XPO4: variants seen among roughly 807,000 people sequenced by gnomAD.
The protein encoded by XPO4 is exportin 4, also known as exportin-4.
XPO4 carries 39 observed loss-of-function variants against 143.0 expected under a neutral mutation model. The ratio of observed to expected loss-of-function variants is 0.27; its 90% CI spans 0.21 to 0.36. The LOEUF (loss-of-function observed/expected upper bound fraction) is 0.36. Ranked by LOEUF, XPO4 falls within the 10% of genes least tolerant of loss-of-function variation. XPO4 has a pLI of 1.00. For synonymous variants in XPO4, 439 were observed against 474.0 expected, an observed-to-expected ratio of 0.93 and a Z score of 0.96; for missense variants, 907 against 1,348.0, an observed-to-expected ratio of 0.67 and a Z score of 5.12.
chr13:20,897,135 C>G (rs186327506), intron 1 of XPO4, among the ~76,000 whole-genome samples: 4 of 151,960 alleles, frequency 2.6e-5, no homozygotes, highest in Non-Finnish European at 5.9e-5. Context: ...CAAGACAGGG[C>G]TGAAATAAAC....
In XPO4 at chr13:20,777,814, T is replaced by A. The variant is rs2059102347; in HGVS notation, c.*5908A>T. On this transcript the variant is annotated 3_prime_UTR_variant, in exon 23 of 23. Transcript: ENST00000255305. ...TCACTCTCATGCTATATATTAAAAA[T>A]AATTTACAGGGACACTCAGTAGGAG... is the stretch of plus-strand genomic sequence containing the variant. 1 of 152,186 alleles carries A rather than the reference T, an allele frequency of 6.6e-6. No individual in the cohort carries two copies. The highest frequency in any genetic ancestry group is 2.4e-5 in the African/African-American group (1 of 41,426). The allele number at this position is 152,186 out of a possible 1,614,324, so 9.4% of individuals were successfully genotyped here.
At chr13:20,813,957 CAA>C (rs557631755) in intron 9 of XPO4, among the ~76,000 whole-genome samples, 38 of 89,728 alleles carry the variant, frequency 4.2e-4, no homozygotes, top group Admixed American at 6.1e-4. Context: ...GACGCTGTCT[CAA>C]AAAAAAAAAA....
At chr13:20,828,828 G>A (rs534654209) in intron 6 of XPO4, among the ~76,000 whole-genome samples, 1 of 152,294 alleles carries the variant, frequency 6.6e-6, no homozygotes, top group Admixed American at 6.5e-5. Flanking sequence ...ACAATATAGA[G>A]TGAGTTCATT....
At chr13:20,788,852 G>A (rs911045867) in intron 19 of XPO4, among the ~76,000 whole-genome samples, 1 of 152,174 alleles carries the variant, frequency 6.6e-6, no homozygotes, top group Non-Finnish European at 1.5e-5. Flanking sequence ...TTATCTTCTA[G>A]ATAGTTAATA....
chr13:20,846,698 A>T (rs2060032798), intron 4 of XPO4, among the ~76,000 whole-genome samples: 1 of 152,162 alleles, frequency 6.6e-6, no homozygotes, highest in Non-Finnish European at 1.5e-5. Flanking sequence ...AACGAAAATA[A>T]AATTGTCTAC....
At chr13:20,858,628 T>C (rs868827861) in intron 3 of XPO4, among the ~76,000 whole-genome samples, 1 of 151,948 alleles carries the variant, frequency 6.6e-6, no homozygotes, top group African/African-American at 2.4e-5. Flanking sequence ...TCTTAGCACT[T>C]AGGGAGGTCA....
At chr13:20,851,150 A>G (rs1221784893) in intron 4 of XPO4, 1 of 985,304 alleles carries the variant, frequency 1.0e-6, no homozygotes, top group East Asian at 1.1e-4. Flanking sequence ...CAAATTCTTA[A>G]CAGTCCAAGA....
chr13:20,892,392 T>G (rs2060526625), intron 1 of XPO4, among the ~76,000 whole-genome samples: 1 of 150,212 alleles, frequency 6.7e-6, no homozygotes, highest in Non-Finnish European at 1.5e-5. Flanking sequence ...CCAGCCAAAT[T>G]TTATACTGTG....
rs149714070 is a variant in XPO4 at position 20,830,505 on chromosome 13, C to T, written c.728-3326G>A. ...CCTGGTTATACCACTAATAATACCA[C>T]TATTATATACCATAATAAAAATGCA... On this transcript the variant is annotated intron_variant, in intron 6 of 22. Coordinates refer to ENST00000255305, the MANE Select transcript of XPO4 (RefSeq NM_022459.5). 5.9e-5 allele frequency among the ~76,000 whole-genome samples: 9 copies of T among 152,200 alleles called. No homozygotes were observed. In the East Asian group the frequency reaches 1.7e-3, roughly 29 times the overall value.
At chr13:20,848,905 T>C in intron 4 of XPO4, 2 of 985,420 alleles carry the variant, frequency 2.0e-6, no homozygotes, top group South Asian at 9.4e-5. Flanking sequence ...TTCATTGAAG[T>C]ACTGAAAATT....
At position 20,821,801 on chromosome 13, in the gene XPO4, A is replaced by C; in HGVS notation, c.1076T>G (p.Val359Gly). ...SNLITVFPRN[V>G]LTAIPSELFS... ...AAGTTCACTTGGAATGGCAGTTAAAACATTTCGTGGGAACACGGTTATCAG... is the reference window on the plus strand; with the variant it reads ...AAGTTCACTTGGAATGGCAGTTAAACCATTTCGTGGGAACACGGTTATCAG... The change falls in exon 9 of 23, where the codon GTT becomes GGT. Residue 359 changes from valine to glycine, a missense_variant. Coordinates refer to ENST00000255305, the MANE Select transcript of XPO4 (RefSeq NM_022459.5). 6.2e-7 allele frequency: 1 copy of C among 1,614,138 alleles called. No homozygotes were observed.
At chr13:20,784,006 A>G in intron 22 of XPO4, 87 bp from the exon 23 acceptor site, 1 of 1,306,368 alleles carries the variant, frequency 7.7e-7, no homozygotes, top group Non-Finnish European at 1.1e-6. Flanking sequence ...TGGGGTTCTA[A>G]AAGGCAGGGA....
At chr13:20,865,811 G>T (rs549923217) in intron 2 of XPO4, among the ~76,000 whole-genome samples, 1 of 152,156 alleles carries the variant, frequency 6.6e-6, no homozygotes, top group Non-Finnish European at 1.5e-5. Context: ...CTTTGACTCA[G>T]TGATACCTAT....
chr13:20,895,421 C>G (rs2060558573), intron 1 of XPO4, among the ~76,000 whole-genome samples: 1 of 152,014 alleles, frequency 6.6e-6, no homozygotes, highest in African/African-American at 2.4e-5. Context: ...CACCTGTGAT[C>G]AGAAGTTCAA....
chr13:20,863,888 C>T (rs1330641073), intron 2 of XPO4, among the ~76,000 whole-genome samples: 1 of 152,148 alleles, frequency 6.6e-6, no homozygotes, highest in South Asian at 2.1e-4. Flanking sequence ...ACACCATTTT[C>T]TCTCCTATTC....
intron 16 of XPO4, among the ~76,000 whole-genome samples, chr13:20,798,073 G>A (rs1345789056): frequency 2.0e-5 from 3 of 152,072 alleles, no homozygotes; most frequent in Admixed American, 6.6e-5. Flanking sequence ...GACCCAGGAG[G>A]TGGAGGTTGC....
At chr13:20,863,417 A>C (rs1030002762) in intron 2 of XPO4, among the ~76,000 whole-genome samples, 1 of 152,200 alleles carries the variant, frequency 6.6e-6, no homozygotes, top group Non-Finnish European at 1.5e-5. Context: ...CATTTACACA[A>C]GGTGAGAAGT....
chr13:20,823,946 C>A (rs909522612), intron 7 of XPO4, among the ~76,000 whole-genome samples: 1 of 152,224 alleles, frequency 6.6e-6, no homozygotes, highest in Non-Finnish European at 1.5e-5. Context: ...GCCACCACGC[C>A]CGGCCAACAT....
chr13:20,786,332 C>A (rs2059206726), intron 22 of XPO4, among the ~76,000 whole-genome samples: 1 of 139,418 alleles, frequency 7.2e-6, no homozygotes. Context: ...TATATATGTA[C>A]CTTACATATA....
Sources: allele counts gnomAD v4.1 joint callset (sites outside exome capture counted in the v4.1 genomes callset), GRCh38; gene constraint gnomAD v4.1.1; transcripts MANE v1.5; gene names NCBI Gene and HGNC (gene_info 2026-07-23, HGNC 2026-07-21).